The following NCAPD2 variants were observed in gnomAD, a reference collection of about 807,000 sequenced individuals.
NCAPD2 encodes condensin complex subunit 1.
Under a neutral mutation model 164.5 loss-of-function variants are expected in NCAPD2, and 100 were observed. The ratio of observed to expected loss-of-function variants is 0.61; its 90% confidence interval spans 0.52 to 0.72. The LOEUF (loss-of-function observed/expected upper bound fraction) is 0.72. Among genes scored for constraint, NCAPD2 ranks in the 30% least tolerant of loss-of-function variants. The pLI is 0.00. For missense variants in NCAPD2, 1,560 were observed against 1,749.2 expected (o/e 0.89, Z 1.93); for synonymous variants, 585 against 642.6 (o/e 0.91, Z 1.36).
At chr12:6,499,628 G>A (rs967040596) in intron 2 of NCAPD2, among the ~76,000 whole-genome samples, 2 of 152,036 alleles carry the variant, frequency 1.3e-5, no homozygotes, top group African/African-American at 4.8e-5. Flanking sequence ...CTGACCTCAG[G>A]TGATCTGCCC....
chr12:6,507,467 T>C (rs1454196216), intron 2 of NCAPD2, among the ~76,000 whole-genome samples: 1 of 152,242 alleles, frequency 6.6e-6, no homozygotes, highest in Admixed American at 6.5e-5. Context: ...CCAGTCGCCG[T>C]GAAAGCACAC....
Position 6,510,778 on chromosome 12 carries a change from A to G in NCAPD2, c.412A>G (p.Thr138Ala), listed in dbSNP as rs769029337. 3.1e-6 allele frequency: 5 copies of G among 1,614,062 alleles called. No homozygotes were observed. Among genetic ancestry groups the G allele is most frequent in the Non-Finnish European group, 2.5e-6 (3 of 1,180,034 alleles). The change falls in exon 5 of 32, where the codon ACA (threonine) becomes GCA (alanine). Residue 138 changes from threonine to alanine, a missense_variant. Physicochemically the swap from Thr to Ala is moderately conservative, Grantham distance 58 (BLOSUM62 0). Coordinates refer to ENST00000315579, the MANE Select transcript of NCAPD2 (RefSeq NM_014865.4). ...ATCCTTTGAGACCATGGCCAGCCAGACAAACCTTGTGGACCTGGACCTTGG... is the reference window on the plus strand; with the variant it reads ...ATCCTTTGAGACCATGGCCAGCCAGGCAAACCTTGTGGACCTGGACCTTGG... Reference protein sequence around the residue: ...LESFETMASQTNLVDLDLGGK... With the variant: ...LESFETMASQANLVDLDLGGK...
In NCAPD2 at chr12:6,527,840, A is replaced by T. The variant is rs1188379934; in HGVS notation, c.2971A>T (p.Thr991Ser). Residue 991 changes from threonine (T) to serine (S), a missense_variant, in exon 23 of 32, where the codon ACA (threonine) becomes TCA (serine). Coordinates refer to ENST00000315579, the MANE Select transcript of NCAPD2 (RefSeq NM_014865.4). ...LGLVGATADD[T>S]EAELIRGICE... ...GCTGGTTGGGGCAACAGCAGATGAC[A>T]CAGAGGCAGAACTAATCCGTGGCAT... is the stretch of plus-strand genomic sequence containing the variant. The T allele has an allele frequency of 6.2e-7, 1 of 1,613,918 alleles. No homozygotes were observed. The highest frequency in any genetic ancestry group is 8.5e-7 in the Non-Finnish European group (1 of 1,179,888).
Position 6,529,552 on chromosome 12 carries a change from G to A in NCAPD2, c.3612G>A (p.Glu1204=). ...ACATCACCAAGGACAAGCAGACAGA[G>A]AGCCTGGTGGAAAAGCTGTGTCAGC... ...LSYITKDKQT[E]SLVEKLCQRF... is the part of the protein sequence containing the mutation. The change falls in exon 28 of 32, where the codon GAG becomes GAA. Residue 1204 remains glutamate (E), a synonymous_variant. Transcript: ENST00000315579. The A allele has an allele frequency of 6.2e-7, 1 of 1,614,098 alleles. No homozygotes were observed. Among genetic ancestry groups the A allele is most frequent in the Non-Finnish European group, 8.5e-7 (1 of 1,179,968 alleles).
chr12:6,516,609 T>G (rs1351202798), intron 9 of NCAPD2, among the ~76,000 whole-genome samples: 1 of 152,202 alleles, frequency 6.6e-6, no homozygotes. Flanking sequence ...ATTTTTTTAT[T>G]CAGCTACTAC....
intron 22 of NCAPD2, 61 bp from the exon 23 acceptor site, chr12:6,527,716 T>C (rs1946329400): frequency 2.7e-6 from 4 of 1,487,788 alleles, no homozygotes; most frequent in Middle Eastern, 1.8e-4. Flanking sequence ...AAACAAAGTA[T>C]GGGCTGGAAT....
At chr12:6,514,125 C>T (rs1946177397) in intron 6 of NCAPD2, 140 bp from the exon 7 acceptor site, 2 of 1,199,396 alleles carry the variant, frequency 1.7e-6, no homozygotes. Flanking sequence ...CAAAGCAAAG[C>T]AACTTGTTAT....
chr12:6,516,943 C>T lies in NCAPD2; in HGVS notation c.1103C>T (p.Thr368Ile). 1 of 1,614,132 alleles carries T rather than the reference C, an allele frequency of 6.2e-7. No homozygotes were observed. Among genetic ancestry groups the T allele is most frequent in the Non-Finnish European group, 8.5e-7 (1 of 1,180,010 alleles). ...GACACCAGAGACCAGTTCTTGGATA[C>T]TTTACAAGCCCATGGCCATGATGTC... ...ARDTRDQFLD[T>I]LQAHGHDVNS... The change falls in exon 10 of 32, where the codon ACT (threonine) becomes ATT (isoleucine). Residue 368 changes from threonine to isoleucine, a missense_variant. By Grantham distance (89) the Thr-to-Ile change is moderately conservative. Transcript: ENST00000315579.
At chr12:6,522,778 T>G in intron 15 of NCAPD2, 50 bp from the exon 16 acceptor site, 1 of 1,593,702 alleles carries the variant, frequency 6.3e-7, no homozygotes, top group Non-Finnish European at 8.6e-7. Context: ...CGTTAGGTAT[T>G]GGGGGAGTTT....
Position 6,495,160 on chromosome 12 carries a change from G to A in NCAPD2, c.62G>A (p.Gly21Glu). 6.2e-7 allele frequency: 1 copy of A among 1,614,142 alleles called. No homozygotes were observed. Among genetic ancestry groups the A allele is most frequent in the Non-Finnish European group, 8.5e-7 (1 of 1,180,018 alleles). Reference sequence around the variant, plus strand: ...TCCCCAGAGGAGTTGTTGAAAAGTGGAGGGGTGAATCAGTATGTTGTGCAA... The same window carrying A: ...TCCCCAGAGGAGTTGTTGAAAAGTGAAGGGGTGAATCAGTATGTTGTGCAA... ...PLSPEELLKS[G>E]GVNQYVVQEV... Residue 21 changes from glycine to glutamate, a missense_variant, in exon 2 of 32, where the codon GGA (glycine) becomes GAA (glutamate). Transcript: ENST00000315579.
intron 9 of NCAPD2, among the ~76,000 whole-genome samples, chr12:6,515,703 TACTTTA>T: frequency 6.6e-6 from 1 of 152,250 alleles, no homozygotes; most frequent in Admixed American, 6.5e-5. Flanking sequence ...TCATCTCATT[TACTTTA>T]ACTTTTTGTG....
rs1238530294 is a variant in NCAPD2 at position 6,529,522 on chromosome 12, C to T, written c.3582C>T (p.Leu1194=). The T allele has an allele frequency of 1.9e-6, 3 of 1,614,120 alleles. No individual in the cohort carries two copies. The highest frequency in any genetic ancestry group is 2.2e-5 in the East Asian group (1 of 44,868). ...EPFHTIMKQL[L]SYITKDKQTE... ...TCTCCCCTTCCTGCAGACAGCTCCTCTCCTACATCACCAAGGACAAGCAGA... is the reference window on the plus strand; with the variant it reads ...TCTCCCCTTCCTGCAGACAGCTCCTTTCCTACATCACCAAGGACAAGCAGA... Residue 1194 remains leucine, a synonymous_variant, in exon 28 of 32, where the codon CTC becomes CTT. Transcript: ENST00000315579.
intron 2 of NCAPD2, among the ~76,000 whole-genome samples, chr12:6,504,217 A>ACACATATATATATATATAT (rs1491497981): frequency 1.0e-4 from 2 of 19,508 alleles, no homozygotes; most frequent in African/African-American, 1.7e-3. Flanking sequence ...ATATATATAT[A>ACACATATATATATATATAT]GATATAGATA....
At chr12:6,507,394 A>G (rs1447128310) in intron 2 of NCAPD2, among the ~76,000 whole-genome samples, 4 of 152,244 alleles carry the variant, frequency 2.6e-5, no homozygotes, top group East Asian at 1.9e-4. Flanking sequence ...GAAAATGAAC[A>G]TTCAAACAAA....
At chr12:6,505,088 A>C (rs1281084568) in intron 2 of NCAPD2, among the ~76,000 whole-genome samples, 1 of 152,082 alleles carries the variant, frequency 6.6e-6, no homozygotes, top group Non-Finnish European at 1.5e-5. Context: ...GTTTTGAGAC[A>C]GAGTTTCACT....
intron 13 of NCAPD2, among the ~76,000 whole-genome samples, chr12:6,518,504 G>GTTTTTGTT (rs746627585): frequency 0.011 from 480 of 44,764 alleles, 88 homozygotes; most frequent in Non-Finnish European, 0.012. Flanking sequence ...CCGTCAACAA[G>GTTTTTGTT]TTTTTTTTTT....
intron 4 of NCAPD2, 104 bp from the exon 5 acceptor site, chr12:6,510,525 A>G (rs1361053828): frequency 7.5e-7 from 1 of 1,342,148 alleles, no homozygotes; most frequent in South Asian, 1.2e-5. Context: ...GAGAGATGAA[A>G]CACAGATCTT....
At chr12:6,519,945 TG>T (rs1277169396) in intron 13 of NCAPD2, among the ~76,000 whole-genome samples, 2 of 151,758 alleles carry the variant, frequency 1.3e-5, no homozygotes, top group African/African-American at 4.8e-5. Flanking sequence ...AGCCCAAAGC[TG>T]GTGGATCTCT....
In NCAPD2 at chr12:6,530,999, G is replaced by A. The variant is rs779911821; in HGVS notation, c.4043G>A (p.Arg1348Gln). ...CCAGAGCCCCGCCGTACTACCCGTC[G>A]GCATCCAAACACCCAGCAGCGAGCT... The part of the protein sequence containing the change: ...VTPEPRRTTR[R>Q]HPNTQQRASK... Residue 1348 changes from arginine to glutamine, a missense_variant, in exon 31 of 32, where the codon CGG becomes CAG. Transcript: ENST00000315579. 8.1e-6 allele frequency: 13 copies of A among 1,613,972 alleles called. No homozygotes were observed. The highest frequency in any genetic ancestry group is 2.2e-5 in the East Asian group (1 of 44,900).
Sources: gnomAD v4.1 joint callset for allele counts (sites outside exome capture counted in the v4.1 genomes callset) on GRCh38, gnomAD v4.1.1 for gene constraint, MANE v1.5 for transcripts, NCBI Gene and HGNC (gene_info 2026-07-23, HGNC 2026-07-21) for gene names.